Variants in C2CD4C observed in about 807,000 individuals in gnomAD.
The protein encoded by C2CD4C is C2 calcium dependent domain containing 4C.
C2CD4C carries 3 observed loss-of-function variants against 4.1 expected under a neutral mutation model. The ratio of observed to expected loss-of-function variants is 0.73; its 90% CI spans 0.33 to 1.88. C2CD4C has a LOEUF of 1.88. Ranked by LOEUF, C2CD4C falls within the 40% of genes most tolerant of loss-of-function variation. C2CD4C has a pLI of 0.08. For missense variants in C2CD4C, 664 were observed against 621.5 expected, an observed-to-expected ratio of 1.07 and a Z score of -0.73; for synonymous variants, 364 against 290.4, an observed-to-expected ratio of 1.25 and a Z score of -2.57.
In C2CD4C at chr19:406,790, T is replaced by C; in HGVS notation, c.*306A>G. 1 of 382,472 alleles carries C rather than the reference T, an allele frequency of 2.6e-6. No individual in the cohort carries two copies. The highest frequency in any genetic ancestry group is 4.7e-6 in the Non-Finnish European group (1 of 210,574). 23.7% of individuals were successfully genotyped at this position (382,472 alleles called of 1,614,324 possible). A position where few individuals can be genotyped will look rare whatever the true frequency, so the allele number is the denominator to read the frequency against. On this transcript the variant is annotated 3_prime_UTR_variant, in exon 2 of 2. Coordinates refer to ENST00000332235, the MANE Select transcript of C2CD4C (RefSeq NM_001136263.2). ...TCTGCGTGAAAGGCGCGAGGCAGTGTGGAGGGGCAAAGGGGGACCCTCTGC... is the reference window on the plus strand; with the variant it reads ...TCTGCGTGAAAGGCGCGAGGCAGTGCGGAGGGGCAAAGGGGGACCCTCTGC...
chr19:408,241 C>A lies in C2CD4C; in HGVS notation c.121G>T (p.Val41Leu). 1 of 1,484,950 alleles carries A rather than the reference C, an allele frequency of 6.7e-7. No homozygotes were observed. Among genetic ancestry groups the A allele is most frequent in the Non-Finnish European group, 8.9e-7 (1 of 1,120,944 alleles). The allele number at this position is 1,484,950 out of a possible 1,614,324, so 92.0% of individuals were successfully genotyped here. The stretch of plus-strand genomic sequence containing the variant: ...TCGGGGATCTTGTCGGGCGTCAACA[C>A]ATTGCTGTACAGGGGCCCCTTGGAG... The part of the protein sequence containing the change: ...KASKGPLYSN[V>L]LTPDKIPDFF... The change falls in exon 2 of 2, where the codon GTG becomes TTG. Residue 41 changes from valine (V) to leucine (L), a missense_variant. Coordinates refer to ENST00000332235, the MANE Select transcript of C2CD4C (RefSeq NM_001136263.2).
rs1353522344 is a variant in C2CD4C, at chr19:405,882, G to C, written c.*1214C>G. On this transcript the variant is annotated 3_prime_UTR_variant, in exon 2 of 2. Coordinates refer to ENST00000332235, the MANE Select transcript of C2CD4C (RefSeq NM_001136263.2). ...ACAAGAGGAACAATGTGTGGCAAAC[G>C]GGCTGACAAGGGACGTCCCTGGGTA... 2.6e-5 allele frequency: 4 copies of C among 152,252 alleles called. No individual in the cohort carries two copies. The East Asian group carries it at 7.7e-4, about 29-fold the overall frequency. 9.4% of individuals were successfully genotyped at this position (152,252 alleles called of 1,614,324 possible). A position where few individuals can be genotyped will look rare whatever the true frequency, so the allele number is the denominator to read the frequency against.
Position 408,160 on chromosome 19 carries a change from C to T in C2CD4C, c.202G>A (p.Ala68Thr), listed in dbSNP as rs932064316. 14 of 1,451,828 alleles carry T rather than the reference C, an allele frequency of 9.6e-6. No individual in the cohort carries two copies. Among genetic ancestry groups the T allele is most frequent in the Non-Finnish European group, 1.3e-5 (14 of 1,101,868 alleles). 89.9% of individuals were successfully genotyped at this position (1,451,828 alleles called of 1,614,324 possible). Reference protein sequence around the residue: ...SGPAEGEGQAALGPSTSEQNL... With the variant: ...SGPAEGEGQATLGPSTSEQNL... Reference sequence around the variant, plus strand: ...TGTTCCGACGTGGAGGGGCCCAGCGCGGCCTGTCCCTCGCCCTCCGCGGGG... The same window carrying T: ...TGTTCCGACGTGGAGGGGCCCAGCGTGGCCTGTCCCTCGCCCTCCGCGGGG... Residue 68 changes from alanine to threonine, a missense_variant, in exon 2 of 2, where the codon GCG (alanine) becomes ACG (threonine). Transcript: ENST00000332235.
rs1349502456 is a variant in C2CD4C, at chr19:406,316, C to T, written c.*780G>A. On this transcript the variant is annotated 3_prime_UTR_variant, in exon 2 of 2. Coordinates refer to ENST00000332235, the MANE Select transcript of C2CD4C (RefSeq NM_001136263.2). ...ATCTCTGAGCAAGACCCTCCGGCGC[C>T]ACAGCAGAAATGGCCAGACGGGCCT... is the stretch of plus-strand genomic sequence containing the variant. The T allele has an allele frequency of 6.6e-6, 1 of 152,302 alleles. No individual in the cohort carries two copies. The highest frequency in any genetic ancestry group is 1.5e-5 in the Non-Finnish European group (1 of 68,072). 9.4% of individuals were successfully genotyped at this position (152,302 alleles called of 1,614,324 possible). A position where few individuals can be genotyped will look rare whatever the true frequency, so the allele number is the denominator to read the frequency against.
chr19:407,309 C>T lies in C2CD4C; in HGVS notation c.1053G>A (p.Val351=). ...SINCCVGLCL[V]PGKLQKQRST... ...TGCGCTGCTTCTGCAGCTTGCCCGG[C>T]ACCAGGCACAGGCCCACGCAGCAGT... The change falls in exon 2 of 2, where the codon GTG becomes GTA. Residue 351 remains valine (V), a synonymous_variant. Coordinates refer to ENST00000332235, the MANE Select transcript of C2CD4C (RefSeq NM_001136263.2). 1 of 1,549,762 alleles carries T rather than the reference C, an allele frequency of 6.5e-7. No homozygotes were observed. The highest frequency in any genetic ancestry group is 1.7e-4 in the Middle Eastern group (1 of 5,990).
rs749643724 is a variant in C2CD4C at position 408,007 on chromosome 19, C to T, written c.355G>A (p.Asp119Asn). The T allele has an allele frequency of 3.9e-6, 6 of 1,548,556 alleles. No homozygotes were observed. The African/African-American group carries it at 6.9e-5, about 18-fold the overall frequency. ...RHVIQIESAE[D>N]WLSEEATDAD... ...TCAGTGGCCTCCTCGGACAGCCAGTCCTCGGCACTCTCGATCTGGATCACG... is the reference window on the plus strand; with the variant it reads ...TCAGTGGCCTCCTCGGACAGCCAGTTCTCGGCACTCTCGATCTGGATCACG... The change falls in exon 2 of 2, where the codon GAC becomes AAC. Residue 119 changes from aspartate (D) to asparagine (N), a missense_variant. Asp to Asn is a conservative substitution (Grantham distance 23). Transcript: ENST00000332235.
chr19:406,985 T>TGCC lies in C2CD4C; in HGVS notation c.*110_*111insGGC. 1.6e-6 allele frequency: 1 copy of TGCC among 616,500 alleles called. No homozygotes were observed. Among genetic ancestry groups the TGCC allele is most frequent in the Non-Finnish European group, 2.6e-6 (1 of 384,124 alleles). The allele number at this position is 616,500 out of a possible 1,614,324, so 38.2% of individuals were successfully genotyped here. A position where few individuals can be genotyped will look rare whatever the true frequency, so the allele number is the denominator to read the frequency against. Reference sequence around the variant, plus strand: ...CCAGCCCAGCCTGAGTGTGAGCCCCTCCCCGGCCAGCCCCAGCCCAAGCCA... The same window carrying TGCC: ...CCAGCCCAGCCTGAGTGTGAGCCCCTGCCCCCCGGCCAGCCCCAGCCCAAGCCA... On this transcript the variant is annotated 3_prime_UTR_variant, in exon 2 of 2. Coordinates refer to ENST00000332235, the MANE Select transcript of C2CD4C (RefSeq NM_001136263.2).
At position 407,584 on chromosome 19, in the gene C2CD4C, G is replaced by A. The variant is rs546845194; in HGVS notation, c.778C>T (p.His260Tyr). ...CTGTCGTCCGCAGACAGGGAGCCGT[G>A]GCGGCCCACGGAGTGCCGGAGCTGG... Reference protein sequence around the residue: ...VSQLRHSVGRHGSLSADDSTP... With the variant: ...VSQLRHSVGRYGSLSADDSTP... Residue 260 changes from histidine (H) to tyrosine (Y), a missense_variant, in exon 2 of 2, where the codon CAC becomes TAC. By Grantham distance (83) the His-to-Tyr change is moderately conservative. Transcript: ENST00000332235. 3 of 1,429,420 alleles carry A rather than the reference G, an allele frequency of 2.1e-6. No individual in the cohort carries two copies. Among genetic ancestry groups the A allele is most frequent in the African/African-American group, 1.5e-5 (1 of 66,312 alleles). The allele number at this position is 1,429,420 out of a possible 1,614,324, so 88.5% of individuals were successfully genotyped here. A position where few individuals can be genotyped will look rare whatever the true frequency, so the allele number is the denominator to read the frequency against.
rs1417389290 is a variant in C2CD4C at position 407,032 on chromosome 19, C to T, written c.*64G>A. On this transcript the variant is annotated 3_prime_UTR_variant, in exon 2 of 2. Transcript: ENST00000332235. ...GCCAGCGGACCCGCCCGCCAGCACCCGGTGTGGAGGAGAGACCGGGGTCTG... is the reference window on the plus strand; with the variant it reads ...GCCAGCGGACCCGCCCGCCAGCACCTGGTGTGGAGGAGAGACCGGGGTCTG... 21 of 1,423,556 alleles carry T rather than the reference C, an allele frequency of 1.5e-5. No homozygotes were observed. The highest frequency in any genetic ancestry group is 2.9e-5 in the African/African-American group (2 of 69,838). 88.2% of individuals were successfully genotyped at this position (1,423,556 alleles called of 1,614,324 possible).
In C2CD4C at chr19:407,278, T is replaced by C. The variant is rs1379278354; in HGVS notation, c.1084A>G (p.Ile362Val). The change falls in exon 2 of 2, where the codon ATC (isoleucine) becomes GTC (valine). Residue 362 changes from isoleucine (I) to valine (V), a missense_variant. Physicochemically the swap from Ile to Val is conservative, Grantham distance 29. Transcript: ENST00000332235. ...PGKLQKQRST[I>V]VKNSRRPVFN... Reference sequence around the variant, plus strand: ...ACGGGGCGGCGGCTGTTCTTCACGATGGTGCTGCGCTGCTTCTGCAGCTTG... The same window carrying C: ...ACGGGGCGGCGGCTGTTCTTCACGACGGTGCTGCGCTGCTTCTGCAGCTTG... 17 of 1,550,036 alleles carry C rather than the reference T, an allele frequency of 1.1e-5. No individual in the cohort carries two copies. The highest frequency in any genetic ancestry group is 1.5e-5 in the Non-Finnish European group (17 of 1,146,864).
rs1477304344 is a variant in C2CD4C at position 407,422 on chromosome 19, C to G, written c.940G>C (p.Glu314Gln). 3.3e-6 allele frequency: 5 copies of G among 1,517,722 alleles called. No homozygotes were observed. In the African/African-American group the frequency reaches 5.5e-5, roughly 17 times the overall value. 94.0% of individuals were successfully genotyped at this position (1,517,722 alleles called of 1,614,324 possible). A position where few individuals can be genotyped will look rare whatever the true frequency, so the allele number is the denominator to read the frequency against. Reference protein sequence around the residue: ...GPRGSVRLLAEYEAGQARLRV... With the variant: ...GPRGSVRLLAQYEAGQARLRV... ...AGGCGGGCCTGGCCGGCCTCGTACT[C>G]GGCCAGCAGCCGCACGCTGCCCCGA... is the stretch of plus-strand genomic sequence containing the variant. The change falls in exon 2 of 2, where the codon GAG becomes CAG. Residue 314 changes from glutamate (E) to glutamine (Q), a missense_variant. By Grantham distance (29) the Glu-to-Gln change is conservative (BLOSUM62 2). Transcript: ENST00000332235.
rs994282542 is a variant in C2CD4C at position 407,556 on chromosome 19, G to A, written c.806C>T (p.Thr269Ile). 33 of 1,408,482 alleles carry A rather than the reference G, an allele frequency of 2.3e-5. No homozygotes were observed. Among genetic ancestry groups the A allele is most frequent in the East Asian group, 3.0e-5 (1 of 33,860 alleles). 87.2% of individuals were successfully genotyped at this position (1,408,482 alleles called of 1,614,324 possible). ...CCGGCTCCCGGGGCTGGCGTCCGGG[G>A]TGCTGTCGTCCGCAGACAGGGAGCC... is the stretch of plus-strand genomic sequence containing the variant. ...RHGSLSADDS[T>I]PDASPGSRRR... The change falls in exon 2 of 2, where the codon ACC becomes ATC. Residue 269 changes from threonine (T) to isoleucine (I), a missense_variant. Thr to Ile is a moderately conservative substitution (Grantham distance 89). Coordinates refer to ENST00000332235, the MANE Select transcript of C2CD4C (RefSeq NM_001136263.2).
rs763016255 is a variant in C2CD4C, at chr19:407,819, G to C, written c.543C>G (p.Ala181=). ...GALAQVGSPG[A]GRRRAAAKAN... is the part of the protein sequence containing the mutation. ...CCTTGGCAGCTGCCCGGCGGCGCCCGGCCCCTGGGGAGCCCACCTGGGCCA... is the reference window on the plus strand; with the variant it reads ...CCTTGGCAGCTGCCCGGCGGCGCCCCGCCCCTGGGGAGCCCACCTGGGCCA... The change falls in exon 2 of 2, where the codon GCC becomes GCG. Residue 181 remains alanine, a synonymous_variant. Coordinates refer to ENST00000332235, the MANE Select transcript of C2CD4C (RefSeq NM_001136263.2). 2.0e-6 allele frequency: 3 copies of C among 1,538,368 alleles called. No homozygotes were observed. Among genetic ancestry groups the C allele is most frequent in the Non-Finnish European group, 2.6e-6 (3 of 1,141,618 alleles).
At chr19:408,507 G>A (rs1289350498) in intron 1 of C2CD4C, 106 bp from the exon 2 acceptor site, 2 of 653,176 alleles carry the variant, frequency 3.1e-6, no homozygotes, top group Non-Finnish European at 4.9e-6. Context: ...GGCGGGGTGG[G>A]GGTGGAGGGG....
Position 408,056 on chromosome 19 carries a change from G to C in C2CD4C, c.306C>G (p.Ser102Arg), listed in dbSNP as rs1239625237. 2 of 1,526,880 alleles carry C rather than the reference G, an allele frequency of 1.3e-6. No homozygotes were observed. The highest frequency in any genetic ancestry group is 1.8e-6 in the Non-Finnish European group (2 of 1,137,812). 94.6% of individuals were successfully genotyped at this position (1,526,880 alleles called of 1,614,324 possible). ...CGTGCCGGGTGGCTGCCTTCAGCAG[G>C]CTCTTGCTCTCGGCTGCCAGCTTGG... ...LPAKLAAESK[S>R]LLKAATRHVI... The change falls in exon 2 of 2, where the codon AGC becomes AGG. Residue 102 changes from serine to arginine, a missense_variant. By Grantham distance (110) the Ser-to-Arg change is moderately radical. Transcript: ENST00000332235.
rs1360740103 is a variant in C2CD4C at position 408,111 on chromosome 19, CG to C, written c.250del (p.Arg84AlafsTer21). 2 of 1,475,826 alleles carry C rather than the reference CG, an allele frequency of 1.4e-6. No individual in the cohort carries two copies. Among genetic ancestry groups the C allele is most frequent in the Non-Finnish European group, 9.0e-7 (1 of 1,115,406 alleles). 91.4% of individuals were successfully genotyped at this position (1,475,826 alleles called of 1,614,324 possible). A position where few individuals can be genotyped will look rare whatever the true frequency, so the allele number is the denominator to read the frequency against. ...CAGCCGGGGGCTCCGTGGGGTCTGG[CG>C]GGGGGCCGCAGAGGCCAGGTTCTGT... ...SEQNLASAAP[R>X]QTPRSPRLPA... On this transcript the variant is annotated frameshift_variant, in exon 2 of 2. Transcript: ENST00000332235. LOFTEE classifies it low-confidence loss of function (END_TRUNC).
At position 408,257 on chromosome 19, in the gene C2CD4C, C is replaced by T. The variant is rs749828556; in HGVS notation, c.105G>A (p.Gly35=). Reference sequence around the variant, plus strand: ...GCGTCAACACATTGCTGTACAGGGGCCCCTTGGAGGCCTTGTCCCCCGCCT... The same window carrying T: ...GCGTCAACACATTGCTGTACAGGGGTCCCTTGGAGGCCTTGTCCCCCGCCT... The part of the protein sequence containing the change: ...GSEAGDKASK[G]PLYSNVLTPD... Residue 35 remains glycine (G), a synonymous_variant, in exon 2 of 2, where the codon GGG becomes GGA. Transcript: ENST00000332235. 3.3e-6 allele frequency: 5 copies of T among 1,505,218 alleles called. No individual in the cohort carries two copies. In the African/African-American group the frequency reaches 5.7e-5, roughly 17 times the overall value. 93.2% of individuals were successfully genotyped at this position (1,505,218 alleles called of 1,614,324 possible). A position where few individuals can be genotyped will look rare whatever the true frequency, so the allele number is the denominator to read the frequency against.
At position 406,983 on chromosome 19, in the gene C2CD4C, C is replaced by CCAG; in HGVS notation, c.*112_*113insCTG. 1 of 658,476 alleles carries CCAG rather than the reference C, an allele frequency of 1.5e-6. No homozygotes were observed. The allele number at this position is 658,476 out of a possible 1,614,324, so 40.8% of individuals were successfully genotyped here. ...GCCCAGCCCAGCCTGAGTGTGAGCC[C>CCAG]CTCCCCGGCCAGCCCCAGCCCAAGC... is the stretch of plus-strand genomic sequence containing the variant. On this transcript the variant is annotated 3_prime_UTR_variant, in exon 2 of 2. Transcript: ENST00000332235.
chr19:407,994 T>A lies in C2CD4C; in HGVS notation c.368A>T (p.Glu123Val). ...QIESAEDWLS[E>V]EATDADPQAQ... The stretch of plus-strand genomic sequence containing the variant: ...CTGGGGGTCGGCGTCAGTGGCCTCC[T>A]CGGACAGCCAGTCCTCGGCACTCTC... The change falls in exon 2 of 2, where the codon GAG becomes GTG. Residue 123 changes from glutamate to valine, a missense_variant. By Grantham distance (121) the Glu-to-Val change is moderately radical. Coordinates refer to ENST00000332235, the MANE Select transcript of C2CD4C (RefSeq NM_001136263.2). The A allele has an allele frequency of 6.5e-7, 1 of 1,549,022 alleles. No individual in the cohort carries two copies. Among genetic ancestry groups the A allele is most frequent in the African/African-American group, 1.4e-5 (1 of 73,116 alleles).
Sources: gnomAD v4.1 joint callset for allele counts on GRCh38, gnomAD v4.1.1 for gene constraint, MANE v1.5 for transcripts, NCBI Gene and HGNC (gene_info 2026-07-23, HGNC 2026-07-21) for gene names.